Variants in GSG1L observed in about 807,000 individuals in gnomAD.
The protein encoded by GSG1L is germ cell-specific gene 1-like protein.
Under a neutral mutation model 42.1 loss-of-function variants are expected in GSG1L, and 24 were observed. The observed-to-expected ratio is 0.57, with a 90% CI of 0.41 to 0.80. The LOEUF is 0.80. GSG1L is among the 30% of genes least tolerant of loss of function. The pLI is 0.00. For synonymous variants in GSG1L, 215 were observed against 203.5 expected, an observed-to-expected ratio of 1.06 and a Z score of -0.48; for missense variants, 445 against 472.2, an observed-to-expected ratio of 0.94 and a Z score of 0.53.
At chr16:27,860,771 T>C (rs2083639236) in intron 3 of GSG1L, among the ~76,000 whole-genome samples, 2 of 152,178 alleles carry the variant, frequency 1.3e-5, no homozygotes, top group South Asian at 4.1e-4. Context: ...CTCTTCTGTG[T>C]GAAACCAGGA....
intron 2 of GSG1L, among the ~76,000 whole-genome samples, chr16:27,889,953 T>A (rs2084105119): frequency 6.6e-6 from 1 of 152,196 alleles, no homozygotes; most frequent in African/African-American, 2.4e-5. Context: ...AAAACTCAGC[T>A]TCTGAGGGAT....
At chr16:28,034,385 G>A (rs185022237) in intron 1 of GSG1L, among the ~76,000 whole-genome samples, 25 of 152,212 alleles carry the variant, frequency 1.6e-4, no homozygotes, top group African/African-American at 5.1e-4. Flanking sequence ...GGCTGCAAGC[G>A]ACAAAATCCA....
At chr16:28,042,649 A>G (rs1452163870) in intron 1 of GSG1L, among the ~76,000 whole-genome samples, 1 of 152,042 alleles carries the variant, frequency 6.6e-6, no homozygotes, top group African/African-American at 2.4e-5. Context: ...CAGAAAAGAA[A>G]GGGGGAAATC....
At chr16:27,866,189 T>A (rs1039490942) in intron 3 of GSG1L, among the ~76,000 whole-genome samples, 2 of 152,210 alleles carry the variant, frequency 1.3e-5, no homozygotes, top group East Asian at 3.8e-4. Flanking sequence ...CATTCTTCCC[T>A]TTCTGTAATT....
intron 1 of GSG1L, among the ~76,000 whole-genome samples, chr16:28,003,638 G>T (rs757678125): frequency 1.3e-4 from 20 of 152,210 alleles, no homozygotes; most frequent in Non-Finnish European, 2.6e-4. Flanking sequence ...GAAGCTCCCA[G>T]AGGAGAAGAA....
intron 1 of GSG1L, among the ~76,000 whole-genome samples, chr16:28,047,140 A>G (rs2086170795): frequency 6.6e-6 from 1 of 152,214 alleles, no homozygotes; most frequent in East Asian, 1.9e-4. Context: ...TACGAAAGGG[A>G]CTTGCAATTA....
intron 1 of GSG1L, among the ~76,000 whole-genome samples, chr16:28,002,413 G>T (rs932192885): frequency 6.6e-6 from 1 of 152,156 alleles, no homozygotes; most frequent in Non-Finnish European, 1.5e-5. Flanking sequence ...TTGAGCCCAG[G>T]AGTTCAAGAC....
intron 1 of GSG1L, among the ~76,000 whole-genome samples, chr16:28,051,280 A>G (rs1178215240): frequency 6.6e-6 from 1 of 152,198 alleles, no homozygotes; most frequent in Non-Finnish European, 1.5e-5. Context: ...TAAGGGATAG[A>G]CAAAGATCAG....
At chr16:27,952,085 G>A (rs1302611046) in intron 2 of GSG1L, among the ~76,000 whole-genome samples, 4 of 152,244 alleles carry the variant, frequency 2.6e-5, no homozygotes, top group Non-Finnish European at 1.5e-5. Flanking sequence ...GTTCAACCCA[G>A]GTGGGTCAGA....
At chr16:27,803,290 C>T (rs1418858217) in intron 6 of GSG1L, among the ~76,000 whole-genome samples, 1 of 152,092 alleles carries the variant, frequency 6.6e-6, no homozygotes, top group Non-Finnish European at 1.5e-5. Context: ...ATGCCCCGAG[C>T]CATTACCTCC....
intron 5 of GSG1L, among the ~76,000 whole-genome samples, chr16:27,808,530 TGCCTCA>T (rs2082994824): frequency 6.6e-6 from 1 of 151,958 alleles, no homozygotes; most frequent in Non-Finnish European, 1.5e-5. Context: ...GCGATTCTCC[TGCCTCA>T]GCCTCCCGAG....
chr16:27,937,541 C>A lies in GSG1L; in HGVS notation c.397+25615G>T, dbSNP rs1049438152. Among the ~76,000 whole-genome samples, 9 of 152,230 alleles carry A rather than the reference C, an allele frequency of 5.9e-5. 1 individual carries two copies. The highest frequency in any genetic ancestry group is 5.9e-4 in the Admixed American group (9 of 15,290). ...ATAGGCATGAGCCACCACGCCTGGC[C>A]CCTTCTGCCCTCTCGAAGGACCATC... On this transcript the variant is annotated intron_variant, in intron 2 of 6. Transcript: ENST00000447459.
intron 2 of GSG1L, among the ~76,000 whole-genome samples, chr16:27,918,680 A>C (rs2084488144): frequency 6.6e-6 from 1 of 151,426 alleles, no homozygotes. Flanking sequence ...AAAAAAAAAG[A>C]AAGAAAAAGA....
intron 2 of GSG1L, among the ~76,000 whole-genome samples, chr16:27,930,335 A>G (rs542274141): frequency 1.1e-3 from 161 of 152,266 alleles, no homozygotes; most frequent in African/African-American, 3.8e-3. Flanking sequence ...AAGTGACACC[A>G]TCCCAGCGAG....
chr16:27,914,178 G>A (rs754663292), intron 2 of GSG1L, among the ~76,000 whole-genome samples: 2 of 151,892 alleles, frequency 1.3e-5, no homozygotes, highest in African/African-American at 2.4e-5. Flanking sequence ...ACATGTCTTC[G>A]TTGACAATAT....
intron 1 of GSG1L, among the ~76,000 whole-genome samples, chr16:28,023,443 C>T (rs1337753011): frequency 1.3e-5 from 2 of 152,180 alleles, no homozygotes; most frequent in African/African-American, 2.4e-5. Context: ...TGTGCACATG[C>T]GTTCATCTTG....
chr16:27,915,026 G>T (rs1414051297), intron 2 of GSG1L, among the ~76,000 whole-genome samples: 1 of 152,076 alleles, frequency 6.6e-6, no homozygotes, highest in African/African-American at 2.4e-5. Flanking sequence ...AATGGGTTTT[G>T]ATGAGAATCT....
At chr16:28,009,144 C>T (rs182212914) in intron 1 of GSG1L, among the ~76,000 whole-genome samples, 1 of 152,214 alleles carries the variant, frequency 6.6e-6, no homozygotes, top group Non-Finnish European at 1.5e-5. Flanking sequence ...GTTCTGAGCG[C>T]AGGTGCCCCA....
chr16:27,855,411 C>T lies in GSG1L; in HGVS notation c.551-10350G>A, dbSNP rs2083565200. On this transcript the variant is annotated intron_variant, in intron 3 of 6. Coordinates refer to ENST00000447459, the MANE Select transcript of GSG1L (RefSeq NM_001109763.2). Reference sequence around the variant, plus strand: ...TATTTGCTACAAGCCTGACACGGCGCTAAGGGCTGCAGAAAAAGACCAACG... The same window carrying T: ...TATTTGCTACAAGCCTGACACGGCGTTAAGGGCTGCAGAAAAAGACCAACG... Among the ~76,000 whole-genome samples, 7 of 152,104 alleles carry T rather than the reference C, an allele frequency of 4.6e-5. No homozygotes were observed. In the South Asian group the frequency reaches 1.5e-3, roughly 32 times the overall value.
Sources: allele counts gnomAD v4.1 joint callset (sites outside exome capture counted in the v4.1 genomes callset), GRCh38; gene constraint gnomAD v4.1.1; transcripts MANE v1.5; gene names NCBI Gene and HGNC (gene_info 2026-07-23, HGNC 2026-07-21).